DIRAS2: variants seen among roughly 807,000 people sequenced by gnomAD.
DIRAS2 encodes the protein DIRAS family GTPase 2.
DIRAS2 carries 5 observed loss-of-function variants against 13.9 expected under a neutral mutation model. The observed-to-expected ratio is 0.36, with a 90% CI of 0.19 to 0.76. The LOEUF (loss-of-function observed/expected upper bound fraction) is 0.76. Ranked by LOEUF, DIRAS2 falls within the 30% of genes least tolerant of loss-of-function variation. The pLI is 0.53. For missense variants in DIRAS2, 191 were observed against 263.0 expected (o/e 0.73, Z 1.89); for synonymous variants, 111 against 105.4 (o/e 1.05, Z -0.33).
chr9:90,636,911 C>A (rs1825376901), intron 1 of DIRAS2, among the ~76,000 whole-genome samples: 1 of 152,150 alleles, frequency 6.6e-6, no homozygotes. Context: ...CTACTGTATA[C>A]CATAGCTTAG....
chr9:90,626,803 C>G (rs950049230), intron 1 of DIRAS2, among the ~76,000 whole-genome samples: 1 of 152,062 alleles, frequency 6.6e-6, no homozygotes, highest in African/African-American at 2.4e-5. Flanking sequence ...TTTGTGTGCC[C>G]GTGTTCACAC....
At chr9:90,623,926 TTAAGAG>T (rs1208378310) in intron 1 of DIRAS2, among the ~76,000 whole-genome samples, 3 of 152,304 alleles carry the variant, frequency 2.0e-5, no homozygotes, top group African/African-American at 4.8e-5. Context: ...ATTCGGATCT[TTAAGAG>T]TAAATGTTTG....
chr9:90,638,359 T>G (rs774314546), intron 1 of DIRAS2, among the ~76,000 whole-genome samples: 2 of 152,230 alleles, frequency 1.3e-5, no homozygotes, highest in Non-Finnish European at 2.9e-5. Context: ...CAAGTTCTTT[T>G]CAAAATCTAG....
chr9:90,617,128 T>C (rs1310468133), intron 1 of DIRAS2, among the ~76,000 whole-genome samples: 1 of 152,238 alleles, frequency 6.6e-6, no homozygotes, highest in Non-Finnish European at 1.5e-5. Flanking sequence ...AGACAGCTTG[T>C]GTAAACTGGC....
At chr9:90,620,862 G>C (rs1299796579) in intron 1 of DIRAS2, among the ~76,000 whole-genome samples, 1 of 152,104 alleles carries the variant, frequency 6.6e-6, no homozygotes, top group Non-Finnish European at 1.5e-5. Context: ...TCTTGATGTG[G>C]GTGGTGGTTA....
At chr9:90,617,106 T>A (rs1825177208) in intron 1 of DIRAS2, among the ~76,000 whole-genome samples, 2 of 152,214 alleles carry the variant, frequency 1.3e-5, no homozygotes, top group South Asian at 4.1e-4. Context: ...GAGCTAATGC[T>A]CATGCCATGG....
At chr9:90,617,527 G>A (rs577164693) in intron 1 of DIRAS2, among the ~76,000 whole-genome samples, 154 of 152,318 alleles carry the variant, frequency 1.0e-3, no homozygotes, top group African/African-American at 3.6e-3. Context: ...GCTAGGAAAT[G>A]GATATAATAA....
intron 1 of DIRAS2, among the ~76,000 whole-genome samples, chr9:90,629,733 A>G (rs1825306282): frequency 6.6e-6 from 1 of 152,236 alleles, no homozygotes; most frequent in African/African-American, 2.4e-5. Context: ...CATACCTAAT[A>G]CAACTTAAAT....
At chr9:90,641,766 C>T (rs1035167284) in intron 1 of DIRAS2, among the ~76,000 whole-genome samples, 1 of 152,118 alleles carries the variant, frequency 6.6e-6, no homozygotes, top group African/African-American at 2.4e-5. Flanking sequence ...GGAAAATCTT[C>T]CTCAAAAATA....
chr9:90,613,883 T>C lies in DIRAS2; in HGVS notation c.-36-20A>G, dbSNP rs1276802703. ...ACGCACCTAGCAAAGGAACCAGATGTTTGAAAGAATTAATAATTAAAATAT... is the reference window on the plus strand; with the variant it reads ...ACGCACCTAGCAAAGGAACCAGATGCTTGAAAGAATTAATAATTAAAATAT... On this transcript the variant is annotated intron_variant, in intron 1 of 1. Transcript: ENST00000375765. The surrounding 1 kb of genome is among the most constrained non-coding windows in gnomAD (Gnocchi z 5.6). 6 of 1,534,776 alleles carry C rather than the reference T, an allele frequency of 3.9e-6. No individual in the cohort carries two copies. Among genetic ancestry groups the C allele is most frequent in the Non-Finnish European group, 4.4e-6 (5 of 1,143,018 alleles).
In DIRAS2 at chr9:90,612,497, T is replaced by G. The variant is rs1221742817; in HGVS notation, c.*731A>C. On this transcript the variant is annotated 3_prime_UTR_variant, in exon 2 of 2. Transcript: ENST00000375765. ...CAGGAACATTATTGCGATGTTTTAA[T>G]ACTGTCACGATATCCTCACTTAAAA... is the stretch of plus-strand genomic sequence containing the variant. 1 of 152,326 alleles carries G rather than the reference T, an allele frequency of 6.6e-6. No individual in the cohort carries two copies. Among genetic ancestry groups the G allele is most frequent in the Non-Finnish European group, 1.5e-5 (1 of 68,100 alleles). 9.4% of individuals were successfully genotyped at this position (152,326 alleles called of 1,614,324 possible). A position where few individuals can be genotyped will look rare whatever the true frequency, so the allele number is the denominator to read the frequency against.
chr9:90,628,243 C>A (rs1825290474), intron 1 of DIRAS2, among the ~76,000 whole-genome samples: 1 of 152,216 alleles, frequency 6.6e-6, no homozygotes, highest in South Asian at 2.1e-4. Flanking sequence ...GCCACTGGCC[C>A]CTTGAAATGC....
intron 1 of DIRAS2, among the ~76,000 whole-genome samples, chr9:90,632,775 C>T (rs376767163): frequency 1.3e-5 from 2 of 152,334 alleles, no homozygotes; most frequent in Admixed American, 6.5e-5. Flanking sequence ...GGCTAAGCGA[C>T]TTGCCTTAGG....
intron 1 of DIRAS2, among the ~76,000 whole-genome samples, chr9:90,629,312 C>CTT (rs1263840537): frequency 6.6e-6 from 1 of 152,024 alleles, no homozygotes; most frequent in Admixed American, 6.5e-5. Context: ...ACACATAATG[C>CTT]TTAGTCCAAT....
intron 1 of DIRAS2, among the ~76,000 whole-genome samples, chr9:90,634,370 C>T (rs774319286): frequency 9.5e-4 from 145 of 152,296 alleles, no homozygotes; most frequent in Non-Finnish European, 1.6e-3. Context: ...GCGTCTGCTC[C>T]ATGGTGACCG....
chr9:90,636,027 CTTTTTTTTTTTTTTTTT>C (rs1172661795), intron 1 of DIRAS2, among the ~76,000 whole-genome samples: 2 of 66,250 alleles, frequency 3.0e-5, no homozygotes, highest in Non-Finnish European at 5.4e-5. Flanking sequence ...ACTGAATATT[CTTTTTTTTTTTTTTTTT>C]TTTTTTTTTT....
At chr9:90,619,871 G>C (rs889448767) in intron 1 of DIRAS2, among the ~76,000 whole-genome samples, 1 of 152,178 alleles carries the variant, frequency 6.6e-6, no homozygotes, top group South Asian at 2.1e-4. Flanking sequence ...TCAAGAAAAA[G>C]GAACTGGTAC....
intron 1 of DIRAS2, among the ~76,000 whole-genome samples, chr9:90,634,893 G>A (rs1825357123): frequency 6.6e-6 from 1 of 152,044 alleles, no homozygotes; most frequent in Admixed American, 6.5e-5. Context: ...TGAGAAAGAG[G>A]AACCACTCAA....
At chr9:90,614,942 G>C (rs747005165) in intron 1 of DIRAS2, among the ~76,000 whole-genome samples, 1 of 151,896 alleles carries the variant, frequency 6.6e-6, no homozygotes, top group Non-Finnish European at 1.5e-5. Flanking sequence ...TACCTTCTTC[G>C]GTAAGGAAGG....
Sources: allele counts gnomAD v4.1 joint callset (sites outside exome capture counted in the v4.1 genomes callset), GRCh38; gene constraint gnomAD v4.1.1; non-coding constraint Gnocchi (gnomAD v3.1); transcripts MANE v1.5; gene names NCBI Gene and HGNC (gene_info 2026-07-23, HGNC 2026-07-21).